RBMS2: variants seen among roughly 807,000 people sequenced by gnomAD.
RBMS2 encodes the protein RNA-binding motif, single-stranded-interacting protein 2.
RBMS2 carries 38 observed loss-of-function variants against 58.4 expected under a neutral mutation model. The observed-to-expected ratio is 0.65, with a 90% CI of 0.50 to 0.85. The LOEUF (loss-of-function observed/expected upper bound fraction) is 0.85. Ranked by LOEUF, RBMS2 falls within the 40% of genes least tolerant of loss-of-function variation. The pLI is 0.00. For synonymous variants in RBMS2, 151 were observed against 180.7 expected, an observed-to-expected ratio of 0.84 and a Z score of 1.32; for missense variants, 367 against 503.7, an observed-to-expected ratio of 0.73 and a Z score of 2.60.
chr12:56,569,326 G>C (rs564897071), intron 3 of RBMS2, among the ~76,000 whole-genome samples: 106 of 152,352 alleles, frequency 7.0e-4, no homozygotes, highest in African/African-American at 2.3e-3. Flanking sequence ...GGGTAAGTGA[G>C]ATTTTCTTCT....
intron 5 of RBMS2, among the ~76,000 whole-genome samples, chr12:56,578,624 A>G (rs139242041): frequency 1.1e-4 from 17 of 152,306 alleles, no homozygotes; most frequent in African/African-American, 3.8e-4. Context: ...TGTTCTCATA[A>G]ATAAGTAGAT....
chr12:56,564,793 G>A (rs1173835613), intron 2 of RBMS2, among the ~76,000 whole-genome samples: 3 of 152,166 alleles, frequency 2.0e-5, no homozygotes. Context: ...GGCCAACATG[G>A]TTAAACCCCG....
In RBMS2 at chr12:56,581,470, G is replaced by T; in HGVS notation, c.694G>T (p.Val232Leu). The change falls in exon 7 of 14, where the codon GTG becomes TTG. Residue 232 changes from valine to leucine, a missense_variant. Transcript: ENST00000262031. The part of the protein sequence containing the change: ...PKKRQNQGKF[V>L]QNGRAWPRNA... ...GAAACGACAGAACCAAGGAAAATTTGTGCAAAATGGACGGGCTTGGCCAAG... is the reference window on the plus strand; with the variant it reads ...GAAACGACAGAACCAAGGAAAATTTTTGCAAAATGGACGGGCTTGGCCAAG... 1 of 1,614,228 alleles carries T rather than the reference G, an allele frequency of 6.2e-7. No individual in the cohort carries two copies. The highest frequency in any genetic ancestry group is 8.5e-7 in the Non-Finnish European group (1 of 1,180,056).
intron 2 of RBMS2, among the ~76,000 whole-genome samples, chr12:56,564,968 C>T (rs558621104): frequency 5.3e-5 from 8 of 152,212 alleles, no homozygotes; most frequent in South Asian, 4.1e-4. Context: ...GCCGAGATCA[C>T]GCCACTGCAC....
chr12:56,523,856 G>C (rs773325789), intron 1 of RBMS2, among the ~76,000 whole-genome samples: 1 of 152,094 alleles, frequency 6.6e-6, no homozygotes, highest in African/African-American at 2.4e-5. Context: ...TATATGTATA[G>C]ATAATACATT....
At position 56,571,678 on chromosome 12, in the gene RBMS2, TC is replaced by T. The variant is rs1565768180; in HGVS notation, c.385-19del. 1.3e-6 allele frequency: 2 copies of T among 1,506,516 alleles called. No homozygotes were observed. Among genetic ancestry groups the T allele is most frequent in the Non-Finnish European group, 1.8e-6 (2 of 1,121,350 alleles). 93.3% of individuals were successfully genotyped at this position (1,506,516 alleles called of 1,614,324 possible). On this transcript the variant is annotated intron_variant, in intron 4 of 13. Coordinates refer to ENST00000262031, the MANE Select transcript of RBMS2 (RefSeq NM_002898.4). Reference sequence around the variant, plus strand: ...GGGATAAGAGATGTGAGCCTCATTTTCTCACTGTTATTTCCACAGCAACAGG... The same window carrying T: ...GGGATAAGAGATGTGAGCCTCATTTTTCACTGTTATTTCCACAGCAACAGG...
In RBMS2 at chr12:56,588,853, G is replaced by A. The variant is rs1342232297; in HGVS notation, c.1144-79G>A. Reference sequence around the variant, plus strand: ...GGTTTGGGAGGGCACTCGATGTAGGGTGGGCTTTGGTCAGGCTGCTGTAGT... The same window carrying A: ...GGTTTGGGAGGGCACTCGATGTAGGATGGGCTTTGGTCAGGCTGCTGTAGT... On this transcript the variant is annotated intron_variant, in intron 12 of 13. Transcript: ENST00000262031. The A allele has an allele frequency of 3.6e-6, 5 of 1,382,552 alleles. No homozygotes were observed. In the Admixed American group the frequency reaches 5.1e-5, roughly 14 times the overall value. 85.6% of individuals were successfully genotyped at this position (1,382,552 alleles called of 1,614,324 possible). A position where few individuals can be genotyped will look rare whatever the true frequency, so the allele number is the denominator to read the frequency against.
chr12:56,572,659 TGAGGAAA>T (rs1287529601), intron 5 of RBMS2: 2 of 360,824 alleles, frequency 5.5e-6, no homozygotes. Flanking sequence ...ATCTTACAGA[TGAGGAAA>T]GTGAACTCTT....
In RBMS2 at chr12:56,546,085, A is replaced by G. The variant is rs540757405; in HGVS notation, c.67-16332A>G. On this transcript the variant is annotated intron_variant, in intron 1 of 13. Transcript: ENST00000262031. ...CGAGTAGTTGGGATTACAGGCATGCACCACCACACCTGGCTAATTTTTGTA... is the reference window on the plus strand; with the variant it reads ...CGAGTAGTTGGGATTACAGGCATGCGCCACCACACCTGGCTAATTTTTGTA... 2.8e-3 allele frequency among the ~76,000 whole-genome samples: 407 copies of G among 146,454 alleles called. 1 individual carries two copies. Among genetic ancestry groups the G allele is most frequent in the Non-Finnish European group, 1.7e-3 (111 of 66,978 alleles).
At chr12:56,584,214 T>C (rs1321529239) in intron 9 of RBMS2, among the ~76,000 whole-genome samples, 1 of 151,200 alleles carries the variant, frequency 6.6e-6, no homozygotes, top group Non-Finnish European at 1.5e-5. Flanking sequence ...GGCAGATCAC[T>C]TGAGCTCAGG....
intron 1 of RBMS2, among the ~76,000 whole-genome samples, chr12:56,533,915 A>G (rs901890031): frequency 1.3e-5 from 2 of 151,756 alleles, no homozygotes; most frequent in South Asian, 4.1e-4. Context: ...ATAGTTATAT[A>G]ACTATATTTT....
At chr12:56,542,759 A>G (rs1391537825) in intron 1 of RBMS2, among the ~76,000 whole-genome samples, 2 of 151,756 alleles carry the variant, frequency 1.3e-5, no homozygotes, top group Non-Finnish European at 2.9e-5. Context: ...TGTGTTGCCC[A>G]GGATGGTCTC....
At chr12:56,570,158 G>A (rs1489347596) in intron 4 of RBMS2, 168 bp downstream of exon 4, 3 of 595,750 alleles carry the variant, frequency 5.0e-6, no homozygotes, top group East Asian at 5.9e-5. Flanking sequence ...GGAGGAAGAT[G>A]TATTCAAAGT....
intron 1 of RBMS2, 61 bp downstream of exon 1, chr12:56,522,150 C>A: frequency 7.3e-7 from 1 of 1,366,616 alleles, no homozygotes; most frequent in Non-Finnish European, 1.0e-6. Context: ...TTGCAATGCC[C>A]TTGGTTTTTA....
intron 9 of RBMS2, among the ~76,000 whole-genome samples, chr12:56,586,194 T>TGGTGGCGGGCAC (rs1884646881): frequency 6.6e-6 from 1 of 152,046 alleles, no homozygotes; most frequent in Non-Finnish European, 1.5e-5. Context: ...TAGCCGGGCA[T>TGGTGGCGGGCAC]GGTGGCGGGC....
At chr12:56,533,896 A>G (rs1337216682) in intron 1 of RBMS2, among the ~76,000 whole-genome samples, 1 of 151,646 alleles carries the variant, frequency 6.6e-6, no homozygotes, top group African/African-American at 2.4e-5. Flanking sequence ...AATTATATCT[A>G]TATAATATAT....
intron 9 of RBMS2, among the ~76,000 whole-genome samples, chr12:56,585,181 C>A (rs1371524061): frequency 6.6e-6 from 1 of 152,136 alleles, no homozygotes; most frequent in African/African-American, 2.4e-5. Flanking sequence ...TATCTGGTCT[C>A]TAAGATTTTA....
At chr12:56,540,941 A>G (rs1423530233) in intron 1 of RBMS2, among the ~76,000 whole-genome samples, 1 of 152,064 alleles carries the variant, frequency 6.6e-6, no homozygotes, top group Non-Finnish European at 1.5e-5. Flanking sequence ...TCTCTACAAA[A>G]AACTCAAATA....
intron 1 of RBMS2, among the ~76,000 whole-genome samples, chr12:56,529,112 A>G (rs1021352876): frequency 5.3e-5 from 8 of 152,224 alleles, no homozygotes; most frequent in African/African-American, 1.9e-4. Flanking sequence ...AACATATGTT[A>G]CACAAAGACC....
Sources: allele counts gnomAD v4.1 joint callset (sites outside exome capture counted in the v4.1 genomes callset), GRCh38; gene constraint gnomAD v4.1.1; transcripts MANE v1.5; gene names NCBI Gene and HGNC (gene_info 2026-07-23, HGNC 2026-07-21).